RAB40C: variants seen among roughly 807,000 people sequenced by gnomAD.
The protein encoded by RAB40C is ras-related protein Rab-40C.
RAB40C carries 8 observed loss-of-function variants against 28.1 expected under a neutral mutation model. The observed-to-expected ratio is 0.28, with a 90% CI of 0.17 to 0.51. RAB40C has a LOEUF of 0.51. Among genes scored for constraint, RAB40C ranks in the 20% least tolerant of loss-of-function variants. RAB40C has a pLI of 0.97. For missense variants in RAB40C, 288 were observed against 405.9 expected (o/e 0.71, Z 2.50); for synonymous variants, 201 against 171.7 (o/e 1.17, Z -1.34).
upstream of RAB40C, chr16:589,568 G>T (rs2035944778): frequency 6.6e-6 from 1 of 152,288 alleles, no homozygotes; most frequent in Non-Finnish European, 1.5e-5. Context: ...GGCGGGGTTA[G>T]CAGAGCCGTG....
chr16:616,825 C>A, intron 1 of RAB40C: 1 of 227,376 alleles, frequency 4.4e-6, no homozygotes, highest in Non-Finnish European at 8.7e-6. Flanking sequence ...CCACGCCCTG[C>A]CTTTGCCCAA....
chr16:609,022 T>C lies in RAB40C; in HGVS notation c.143-8186T>C, dbSNP rs532728767. 3.9e-5 allele frequency among the ~76,000 whole-genome samples: 6 copies of C among 152,230 alleles called. No individual in the cohort carries two copies. The East Asian group carries it at 9.7e-4, about 25-fold the overall frequency. On this transcript the variant is annotated intron_variant, in intron 1 of 5. Coordinates refer to ENST00000248139, the MANE Select transcript of RAB40C (RefSeq NM_021168.5). ...CCCAGCTACTCAGGAGGCTGAGCTA[T>C]GAGGAGCACGTGAGCCTAGGAGTTG...
At chr16:614,894 G>A (rs890336342) in intron 1 of RAB40C, among the ~76,000 whole-genome samples, 2 of 152,190 alleles carry the variant, frequency 1.3e-5, no homozygotes, top group South Asian at 2.1e-4. Context: ...ACCTCGTCCC[G>A]ATAGTGAACT....
intron 1 of RAB40C, among the ~76,000 whole-genome samples, chr16:605,507 T>C (rs1289870384): frequency 6.6e-6 from 1 of 152,240 alleles, no homozygotes; most frequent in African/African-American, 2.4e-5. Context: ...GGCATGTCAC[T>C]GTGGACTCAT....
Position 627,439 on chromosome 16 carries a change from C to T in RAB40C, c.663C>T (p.His221=). ...KLPLPVTIKS[H]LKSFSMANGM... ...CACTGCCCGTCACCATCAAGAGCCA[C>T]CTCAAGTCCTTCTCGATGGCCAACG... is the stretch of plus-strand genomic sequence containing the variant. Residue 221 remains histidine, a synonymous_variant, in exon 6 of 6, where the codon CAC becomes CAT. Coordinates refer to ENST00000248139, the MANE Select transcript of RAB40C (RefSeq NM_021168.5). The T allele has an allele frequency of 8.7e-6, 14 of 1,614,052 alleles. No individual in the cohort carries two copies. The highest frequency in any genetic ancestry group is 1.2e-5 in the Non-Finnish European group (14 of 1,180,000).
chr16:590,443 G>C lies in RAB40C; in HGVS notation c.142+10G>C. The stretch of plus-strand genomic sequence containing the variant: ...TACGCCTACAGTAACGGTAAGGCCC[G>C]GCCCGCGGCGCGCGCTGCTACGCGG... On this transcript the variant is annotated intron_variant, in intron 1 of 5. Transcript: ENST00000248139. 1 of 1,568,932 alleles carries C rather than the reference G, an allele frequency of 6.4e-7. No homozygotes were observed. Among genetic ancestry groups the C allele is most frequent in the Non-Finnish European group, 8.6e-7 (1 of 1,160,896 alleles).
chr16:597,859 G>A (rs1173221280), intron 1 of RAB40C, among the ~76,000 whole-genome samples: 1 of 150,728 alleles, frequency 6.6e-6, no homozygotes, highest in Admixed American at 6.6e-5. Context: ...TCAGCACCTT[G>A]GGAGGCCGAG....
At chr16:625,081 G>A (rs988750639) in intron 3 of RAB40C, 13 of 1,290,480 alleles carry the variant, frequency 1.0e-5, no homozygotes, top group East Asian at 5.8e-5. Context: ...TGGACTGGCC[G>A]AGAGGACACT....
upstream of RAB40C, chr16:589,422 G>T (rs1046274418): frequency 6.6e-6 from 1 of 152,284 alleles, no homozygotes; most frequent in Non-Finnish European, 1.5e-5. Context: ...GCCTGCGAGG[G>T]GCTTTCGTTT....
intron 1 of RAB40C, among the ~76,000 whole-genome samples, chr16:600,153 T>G (rs1329854517): frequency 6.6e-6 from 1 of 152,234 alleles, no homozygotes; most frequent in Non-Finnish European, 1.5e-5. Flanking sequence ...CCTCTTCAGG[T>G]GGCACCTGCG....
In RAB40C at chr16:625,366, C is replaced by A. The variant is rs961601154; in HGVS notation, c.265-66C>A. On this transcript the variant is annotated intron_variant, in intron 3 of 5. Coordinates refer to ENST00000248139, the MANE Select transcript of RAB40C (RefSeq NM_021168.5). ...GGGAACTGAGGCCCCTGCACCTGAG[C>A]GTCCCTGGGCCTGGGCTGGCCATGC... The A allele has an allele frequency of 8.3e-6, 13 of 1,572,736 alleles. No homozygotes were observed. The Admixed American group carries it at 2.2e-4, about 27-fold the overall frequency.
intron 3 of RAB40C, among the ~76,000 whole-genome samples, chr16:621,567 G>T (rs1463835202): frequency 2.0e-5 from 3 of 152,244 alleles, no homozygotes; most frequent in African/African-American, 7.2e-5. Flanking sequence ...GCCGAAGGCC[G>T]GGCTCCCTAG....
In RAB40C at chr16:619,547, G is replaced by A. The variant is rs572715507; in HGVS notation, c.264+1287G>A. Among the ~76,000 whole-genome samples the A allele has an allele frequency of 2.0e-5, 3 of 152,342 alleles. No homozygotes were observed. In the South Asian group the frequency reaches 6.2e-4, roughly 32 times the overall value. ...AAACAGACCTGTCATGGCCACTGTT[G>A]TTGCTGCTTCAGTGGGAGGGATTTG... On this transcript the variant is annotated intron_variant, in intron 3 of 5. Transcript: ENST00000248139.
chr16:604,690 T>A (rs373858375), intron 1 of RAB40C, among the ~76,000 whole-genome samples: 1 of 152,252 alleles, frequency 6.6e-6, no homozygotes, highest in South Asian at 2.1e-4. Context: ...CTGTCATATA[T>A]GAGTGTACGT....
chr16:603,401 A>G (rs947102218), intron 1 of RAB40C, among the ~76,000 whole-genome samples: 1 of 152,186 alleles, frequency 6.6e-6, no homozygotes, highest in African/African-American at 2.4e-5. Context: ...CTCAGAAGAC[A>G]TCCGAGGGGA....
chr16:600,220 T>A (rs1257706572), intron 1 of RAB40C, among the ~76,000 whole-genome samples: 1 of 152,228 alleles, frequency 6.6e-6, no homozygotes, highest in African/African-American at 2.4e-5. Flanking sequence ...AGTCTGTACT[T>A]CCAGCAGATG....
chr16:619,558 A>G (rs1230237592), intron 3 of RAB40C, among the ~76,000 whole-genome samples: 4 of 152,188 alleles, frequency 2.6e-5, no homozygotes, highest in Admixed American at 6.5e-5. Context: ...TTGCTGCTTC[A>G]GTGGGAGGGA....
chr16:598,038 A>C (rs2036170269), intron 1 of RAB40C, among the ~76,000 whole-genome samples: 1 of 151,562 alleles, frequency 6.6e-6, no homozygotes, highest in Non-Finnish European at 1.5e-5. Context: ...CGAGGTCAAG[A>C]GATTGAGACC....
At chr16:601,804 GC>G in intron 1 of RAB40C, among the ~76,000 whole-genome samples, 1 of 68,040 alleles carries the variant, frequency 1.5e-5, no homozygotes, top group African/African-American at 5.6e-5. Context: ...CCCTATCCCT[GC>G]AAAAAAAAGT....
Sources: allele counts gnomAD v4.1 joint callset (sites outside exome capture counted in the v4.1 genomes callset), GRCh38; gene constraint gnomAD v4.1.1; transcripts MANE v1.5; gene names NCBI Gene and HGNC (gene_info 2026-07-23, HGNC 2026-07-21).